The following JAM3 variants were observed in gnomAD, a reference collection of about 807,000 sequenced individuals.
JAM3 encodes junctional adhesion molecule C.
Under a neutral mutation model 39.4 loss-of-function variants are expected in JAM3, and 31 were observed. That is an observed-to-expected ratio of 0.79 (90% CI 0.59 to 1.06). JAM3 has a LOEUF of 1.06. Among genes scored for constraint, JAM3 ranks in the 50% least tolerant of loss-of-function variants. The pLI, the probability that JAM3 is intolerant of heterozygous loss-of-function variation, is 0.00. For synonymous variants in JAM3, 182 were observed against 148.7 expected (o/e 1.22, Z -1.63); for missense variants, 455 against 391.4 (o/e 1.16, Z -1.37).
chr11:134,125,529 A>G (rs1253572291), intron 1 of JAM3, among the ~76,000 whole-genome samples: 1 of 152,190 alleles, frequency 6.6e-6, no homozygotes, highest in Non-Finnish European at 1.5e-5. Flanking sequence ...AGTAGGGAGT[A>G]AGAGGCAAAA....
rs756903607 is a variant in JAM3 at position 134,139,905 on chromosome 11, A to C, written c.131A>C (p.Gln44Pro). ...TCCAGCAATCGAACCCCAGTGGTAC[A>C]GGAATTTGAAAGTAAGTACAAACGA... The part of the protein sequence containing the change: ...LKSSNRTPVV[Q>P]EFESVELSCI... The change falls in exon 2 of 9, where the codon CAG (glutamine) becomes CCG (proline). Residue 44 changes from glutamine (Q) to proline (P), a missense_variant. Gln to Pro is a moderately conservative substitution (Grantham distance 76). Coordinates refer to ENST00000299106, the MANE Select transcript of JAM3 (RefSeq NM_032801.5). The C allele has an allele frequency of 6.2e-7, 1 of 1,613,548 alleles. No individual in the cohort carries two copies. The highest frequency in any genetic ancestry group is 8.5e-7 in the Non-Finnish European group (1 of 1,179,446).
intron 1 of JAM3, among the ~76,000 whole-genome samples, chr11:134,120,290 G>A (rs544786128): frequency 2.6e-5 from 4 of 152,338 alleles, no homozygotes; most frequent in African/African-American, 9.6e-5. Context: ...GCATGCTGAC[G>A]TGAGTCCTGG....
At chr11:134,081,902 G>A (rs1941672215) in intron 1 of JAM3, among the ~76,000 whole-genome samples, 1 of 152,238 alleles carries the variant, frequency 6.6e-6, no homozygotes, top group African/African-American at 2.4e-5. Context: ...AAAAACCACA[G>A]GTGGGTAGCT....
chr11:134,103,458 T>G (rs1942117349), intron 1 of JAM3, among the ~76,000 whole-genome samples: 1 of 152,132 alleles, frequency 6.6e-6, no homozygotes, highest in Non-Finnish European at 1.5e-5. Flanking sequence ...CATCAACTAA[T>G]GAGTAAAATA....
intron 1 of JAM3, among the ~76,000 whole-genome samples, chr11:134,114,750 G>T (rs1003555288): frequency 1.3e-5 from 2 of 152,116 alleles, no homozygotes; most frequent in African/African-American, 2.4e-5. Context: ...ATTGTGATTT[G>T]TTTTATGGCT....
At chr11:134,109,357 G>A (rs867343926) in intron 1 of JAM3, among the ~76,000 whole-genome samples, 5 of 152,222 alleles carry the variant, frequency 3.3e-5, no homozygotes, top group African/African-American at 7.2e-5. Flanking sequence ...AAGAAGTAAA[G>A]CTGTCTTCAT....
chr11:134,110,095 G>A (rs1392347611), intron 1 of JAM3, among the ~76,000 whole-genome samples: 1 of 152,106 alleles, frequency 6.6e-6, no homozygotes, highest in African/African-American at 2.4e-5. Context: ...GCACCTTAAT[G>A]CAAATTAAAA....
Position 134,148,559 on chromosome 11 carries a change from T to C in JAM3, c.725T>C (p.Ile242Thr), listed in dbSNP as rs146181188. ...EQEMEVYDLN[I>T]GGIIGGVLVV... The stretch of plus-strand genomic sequence containing the variant: ...TCCTTTTCTTCAGATGACCTGAACA[T>C]TGGCGGAATTATTGGGGGGGTTCTG... The change falls in exon 7 of 9, where the codon ATT becomes ACT. Residue 242 changes from isoleucine to threonine, a missense_variant. By Grantham distance (89) the Ile-to-Thr change is moderately conservative (BLOSUM62 -1). Coordinates refer to ENST00000299106, the MANE Select transcript of JAM3 (RefSeq NM_032801.5). The C allele has an allele frequency of 1.2e-4, 190 of 1,614,058 alleles. No individual in the cohort carries two copies. Among genetic ancestry groups the C allele is most frequent in the Non-Finnish European group, 1.5e-4 (181 of 1,180,030 alleles).
At chr11:134,146,865 C>T (rs984430750) in intron 6 of JAM3, among the ~76,000 whole-genome samples, 7 of 152,188 alleles carry the variant, frequency 4.6e-5, no homozygotes, top group Admixed American at 4.6e-4. Context: ...CTGTGCCCAG[C>T]CAGGAGCATT....
chr11:134,103,694 A>G (rs932850024), intron 1 of JAM3, among the ~76,000 whole-genome samples: 3 of 152,344 alleles, frequency 2.0e-5, no homozygotes, highest in Middle Eastern at 3.4e-3. Context: ...GAAAACAAAA[A>G]AAAGGCAGGG....
intron 1 of JAM3, among the ~76,000 whole-genome samples, chr11:134,090,440 G>A (rs1241024351): frequency 6.6e-6 from 1 of 152,058 alleles, no homozygotes; most frequent in Non-Finnish European, 1.5e-5. Flanking sequence ...TCAATATATG[G>A]AAATTCACAT....
intron 1 of JAM3, among the ~76,000 whole-genome samples, chr11:134,098,491 C>T (rs1240439692): frequency 6.6e-6 from 1 of 152,044 alleles, no homozygotes; most frequent in African/African-American, 2.4e-5. Context: ...TCTACCTGTG[C>T]CAGGTAGAAA....
At chr11:134,124,192 A>G (rs1942593220) in intron 1 of JAM3, 3 of 1,447,036 alleles carry the variant, frequency 2.1e-6, no homozygotes, top group Non-Finnish European at 2.9e-6. Flanking sequence ...GTAGCATCAC[A>G]AACTCGAACC....
chr11:134,076,151 CT>C (rs551303530), intron 1 of JAM3, among the ~76,000 whole-genome samples: 17,444 of 120,116 alleles, frequency 0.15, 951 homozygotes, highest in African/African-American at 0.19. Flanking sequence ...TCTTTTCTTT[CT>C]TTTTTTTTTT....
In JAM3 at chr11:134,149,442, G is replaced by C; in HGVS notation, c.*261G>C. The C allele has an allele frequency of 3.4e-6, 2 of 593,722 alleles. No individual in the cohort carries two copies. Among genetic ancestry groups the C allele is most frequent in the South Asian group, 3.8e-5 (2 of 52,138 alleles). The allele number at this position is 593,722 out of a possible 1,614,324, so 36.8% of individuals were successfully genotyped here. On this transcript the variant is annotated 3_prime_UTR_variant, in exon 9 of 9. Transcript: ENST00000299106. ...GTTCACTGAGTTGGGTTCCTAATCTGTTTCTGGCCTGATTCCCGCATGAGT... is the reference window on the plus strand; with the variant it reads ...GTTCACTGAGTTGGGTTCCTAATCTCTTTCTGGCCTGATTCCCGCATGAGT...
chr11:134,131,701 A>G (rs1276212605), intron 1 of JAM3, among the ~76,000 whole-genome samples: 3 of 152,236 alleles, frequency 2.0e-5, no homozygotes, highest in Non-Finnish European at 2.9e-5. Flanking sequence ...ACTAAAGGCA[A>G]TCAGGCAAAC....
chr11:134,136,706 A>G (rs1211569762), intron 1 of JAM3, among the ~76,000 whole-genome samples: 1 of 152,212 alleles, frequency 6.6e-6, no homozygotes, highest in Non-Finnish European at 1.5e-5. Context: ...TGGCATAAAA[A>G]GCTACCTGTA....
intron 6 of JAM3, chr11:134,148,324 T>C (rs1943117152): frequency 6.7e-6 from 4 of 595,680 alleles, no homozygotes; most frequent in South Asian, 5.9e-5. Flanking sequence ...GCATTTCAAC[T>C]GTAGAAGTCT....
At chr11:134,079,629 T>C (rs192607055) in intron 1 of JAM3, among the ~76,000 whole-genome samples, 58 of 152,328 alleles carry the variant, frequency 3.8e-4, no homozygotes, top group Admixed American at 6.5e-4. Context: ...GGAAATAATA[T>C]TGGTTGTAAT....
Sources: allele counts gnomAD v4.1 joint callset (sites outside exome capture counted in the v4.1 genomes callset), GRCh38; gene constraint gnomAD v4.1.1; transcripts MANE v1.5; gene names NCBI Gene and HGNC (gene_info 2026-07-23, HGNC 2026-07-21).